COL13A1: variants seen among roughly 807,000 people sequenced by gnomAD.
The protein encoded by COL13A1 is collagen type XIII alpha 1 chain, also known as collagen alpha-1(XIII) chain.
In COL13A1, 89 loss-of-function variants were observed where a neutral mutation model predicts 130.9. The observed-to-expected ratio is 0.68, with a 90% CI of 0.57 to 0.81. COL13A1 has a LOEUF of 0.81. Ranked by LOEUF, COL13A1 falls within the 30% of genes least tolerant of loss-of-function variation. COL13A1 has a pLI of 0.00. For missense variants in COL13A1, 879 were observed against 934.6 expected (o/e 0.94, Z 0.78); for synonymous variants, 402 against 341.6 (o/e 1.18, Z -1.95).
chr10:69,911,354 C>T (rs1228981021), intron 17 of COL13A1, among the ~76,000 whole-genome samples: 1 of 152,260 alleles, frequency 6.6e-6, no homozygotes, highest in African/African-American at 2.4e-5. Flanking sequence ...GTGTACTAGG[C>T]ACTTTGCATG....
chr10:69,930,380 GT>G lies in COL13A1; in HGVS notation c.1531-15del. The G allele has an allele frequency of 6.3e-7, 1 of 1,593,494 alleles. No homozygotes were observed. The highest frequency in any genetic ancestry group is 8.5e-7 in the Non-Finnish European group (1 of 1,173,310). Reference sequence around the variant, plus strand: ...TTCTCCATTAATGTGTCTAAGAAGCGTTTTTGGTATTTTCTAAAGGGACCTC... The same window carrying G: ...TTCTCCATTAATGTGTCTAAGAAGCGTTTTGGTATTTTCTAAAGGGACCTC... On this transcript the variant is annotated intron_variant, in intron 29 of 40. Transcript: ENST00000645393.
intron 2 of COL13A1, among the ~76,000 whole-genome samples, chr10:69,848,911 C>T (rs901484303): frequency 3.9e-5 from 6 of 152,218 alleles, no homozygotes; most frequent in African/African-American, 1.4e-4. Context: ...CTGCAGCCTA[C>T]AGCCTGCCTT....
chr10:69,898,738 G>A lies in COL13A1; in HGVS notation c.726G>A (p.Pro242=), dbSNP rs538730570. 51 of 1,613,060 alleles carry A rather than the reference G, an allele frequency of 3.2e-5. No individual in the cohort carries two copies. Among genetic ancestry groups the A allele is most frequent in the Admixed American group, 5.0e-5 (3 of 59,904 alleles). The change falls in exon 14 of 41, where the codon CCG becomes CCA. Residue 242 remains proline, a synonymous_variant. Coordinates refer to ENST00000645393, the MANE Select transcript of COL13A1 (RefSeq NM_001368882.1). ...ATTCAGTGCGACTGGCTCCACCCCC[G>A]GTCATAAAAAGGCGGACGTTCCAGG... is the stretch of plus-strand genomic sequence containing the variant. ...LLNSVRLAPP[P]VIKRRTFQGE... is the part of the protein sequence containing the mutation.
At position 69,849,494 on chromosome 10, in the gene COL13A1, G is replaced by A. The variant is rs116335061; in HGVS notation, c.365-18304G>A. ...TGGTATGATGCCCACACAATGGCAC[G>A]TTTTTATTTTTATTTATTTTTAAGA... is the stretch of plus-strand genomic sequence containing the variant. On this transcript the variant is annotated intron_variant, in intron 2 of 40. Transcript: ENST00000645393. 4.6e-3 allele frequency among the ~76,000 whole-genome samples: 702 copies of A among 152,172 alleles called. 8 individuals carry two copies. Among genetic ancestry groups the A allele is most frequent in the African/African-American group, 0.016 (674 of 41,570 alleles).
intron 12 of COL13A1, among the ~76,000 whole-genome samples, 189 bp from the exon 13 acceptor site, chr10:69,895,360 TC>T (rs895452965): frequency 2.6e-5 from 4 of 152,160 alleles, no homozygotes; most frequent in Non-Finnish European, 5.9e-5. Context: ...GGAAGTTTCT[TC>T]CCTGCTGCTA....
At chr10:69,891,225 A>G (rs1046653787) in intron 10 of COL13A1, among the ~76,000 whole-genome samples, 1 of 152,224 alleles carries the variant, frequency 6.6e-6, no homozygotes, top group Non-Finnish European at 1.5e-5. Flanking sequence ...TAAAAAGATA[A>G]TCCTTAGTGC....
chr10:69,813,370 G>C (rs7088730), intron 1 of COL13A1, among the ~76,000 whole-genome samples: 39,568 of 152,106 alleles, frequency 0.26, 5,426 homozygotes, highest in African/African-American at 0.32. Flanking sequence ...GAAGGACTTC[G>C]TCATACGAAT....
intron 2 of COL13A1, among the ~76,000 whole-genome samples, chr10:69,848,988 C>T (rs1853935109): frequency 6.6e-6 from 1 of 152,228 alleles, no homozygotes; most frequent in South Asian, 2.1e-4. Flanking sequence ...CCCAGGGTGC[C>T]TTGACACCCC....
intron 2 of COL13A1, among the ~76,000 whole-genome samples, chr10:69,838,408 G>A (rs1589357735): frequency 6.6e-6 from 1 of 152,346 alleles, no homozygotes; most frequent in East Asian, 1.9e-4. Context: ...CTGAGCTGCA[G>A]CTTTCTTACC....
At chr10:69,936,345 C>T (rs1031517293) in intron 32 of COL13A1, among the ~76,000 whole-genome samples, 2 of 152,180 alleles carry the variant, frequency 1.3e-5, no homozygotes, top group African/African-American at 2.4e-5. Flanking sequence ...GTCCCCAAGG[C>T]ACTGTGTGTC....
rs775337631 is a variant in COL13A1 at position 69,895,626 on chromosome 10, C to A, written c.684+50C>A. 4.4e-6 allele frequency: 7 copies of A among 1,600,774 alleles called. No individual in the cohort carries two copies. In the African/African-American group the frequency reaches 9.4e-5, roughly 21 times the overall value. ...AGGGCACTTTGATCCATCCCTGGGGCACAGCGCCCAGCTCAGCCTCATCTC... is the reference window on the plus strand; with the variant it reads ...AGGGCACTTTGATCCATCCCTGGGGAACAGCGCCCAGCTCAGCCTCATCTC... On this transcript the variant is annotated intron_variant, in intron 13 of 40. Coordinates refer to ENST00000645393, the MANE Select transcript of COL13A1 (RefSeq NM_001368882.1).
intron 17 of COL13A1, among the ~76,000 whole-genome samples, chr10:69,912,721 G>C (rs1046428476): frequency 1.3e-5 from 2 of 152,124 alleles, no homozygotes; most frequent in Admixed American, 1.3e-4. Flanking sequence ...TTACTTCCCC[G>C]TGCTTCCCTG....
Position 69,887,470 on chromosome 10 carries a change from T to C in COL13A1, c.528T>C (p.Thr176=), listed in dbSNP as rs780075378. The C allele has an allele frequency of 1.2e-6, 2 of 1,613,040 alleles. No homozygotes were observed. The highest frequency in any genetic ancestry group is 1.7e-6 in the Non-Finnish European group (2 of 1,179,578). The part of the protein sequence containing the change: ...GPRGPPGQPG[T]RGFPGFPGPI... ...TTTTTTTTCAGGGTCAACCAGGAAC[T>C]AGAGGTTTCCCTGGATTTCCGGTAA... is the stretch of plus-strand genomic sequence containing the variant. The change falls in exon 8 of 41, where the codon ACT becomes ACC. Residue 176 remains threonine, a synonymous_variant. Coordinates refer to ENST00000645393, the MANE Select transcript of COL13A1 (RefSeq NM_001368882.1).
chr10:69,802,730 T>G lies in COL13A1; in HGVS notation c.294+13T>G. 6.2e-7 allele frequency: 1 copy of G among 1,608,934 alleles called. No individual in the cohort carries two copies. The highest frequency in any genetic ancestry group is 8.5e-7 in the Non-Finnish European group (1 of 1,177,914). ...ACTGCTGGACGAGGTCTGTGCTCTTTGTTGCTGGCTTTTATCCCTCCCCGC... is the reference window on the plus strand; with the variant it reads ...ACTGCTGGACGAGGTCTGTGCTCTTGGTTGCTGGCTTTTATCCCTCCCCGC... On this transcript the variant is annotated intron_variant, in intron 1 of 40. Coordinates refer to ENST00000645393, the MANE Select transcript of COL13A1 (RefSeq NM_001368882.1).
intron 2 of COL13A1, among the ~76,000 whole-genome samples, chr10:69,822,950 A>G (rs953295215): frequency 6.6e-6 from 1 of 152,276 alleles, no homozygotes; most frequent in Non-Finnish European, 1.5e-5. Flanking sequence ...CAACACACAC[A>G]TGCTTACATG....
intron 14 of COL13A1, 89 bp from the exon 15 acceptor site, chr10:69,902,659 A>G (rs2062318691): frequency 1.9e-6 from 2 of 1,034,246 alleles, no homozygotes; most frequent in Admixed American, 3.1e-5. Context: ...AAATCACAGC[A>G]GGCCTTCACT....
chr10:69,885,446 C>T (rs1450927236), intron 7 of COL13A1, among the ~76,000 whole-genome samples: 17 of 152,232 alleles, frequency 1.1e-4, no homozygotes, highest in Non-Finnish European at 1.5e-5. Flanking sequence ...TTCCAAGTCT[C>T]ACCACATGCC....
chr10:69,855,249 A>T (rs1419351814), intron 2 of COL13A1, among the ~76,000 whole-genome samples: 1 of 152,214 alleles, frequency 6.6e-6, no homozygotes, highest in African/African-American at 2.4e-5. Context: ...CCGTTCAGCC[A>T]GATGGCATGG....
chr10:69,920,161 G>A (rs563624496), intron 21 of COL13A1, among the ~76,000 whole-genome samples: 6 of 152,304 alleles, frequency 3.9e-5, no homozygotes, highest in South Asian at 2.1e-4. Context: ...CTACTTTACC[G>A]TTCAGCTGCT....
Sources: gnomAD v4.1 joint callset for allele counts (sites outside exome capture counted in the v4.1 genomes callset) on GRCh38, gnomAD v4.1.1 for gene constraint, MANE v1.5 for transcripts, NCBI Gene and HGNC (gene_info 2026-07-23, HGNC 2026-07-21) for gene names.